The following ZFR variants were observed in gnomAD, a reference collection of about 807,000 sequenced individuals.
ZFR encodes the protein zinc finger RNA binding protein.
A neutral mutation model predicts 130.7 loss-of-function variants in ZFR; 19 were observed. The ratio of observed to expected loss-of-function variants is 0.15; its 90% CI spans 0.10 to 0.21. The LOEUF is 0.21. Among genes scored for constraint, ZFR ranks in the 10% least tolerant of loss-of-function variants. The pLI is 1.00. For synonymous variants in ZFR, 466 were observed against 456.9 expected (o/e 1.02, Z -0.25); for missense variants, 872 against 1,321.5 (o/e 0.66, Z 5.27).
At position 32,417,739 on chromosome 5, in the gene ZFR, C is replaced by T; in HGVS notation, c.474G>A (p.Lys158=). 3 of 1,613,880 alleles carry T rather than the reference C, an allele frequency of 1.9e-6. No individual in the cohort carries two copies. Among genetic ancestry groups the T allele is most frequent in the Non-Finnish European group, 2.5e-6 (3 of 1,179,828 alleles). Residue 158 remains lysine, a synonymous_variant, in exon 4 of 20, where the codon AAG becomes AAA. Coordinates refer to ENST00000265069, the MANE Select transcript of ZFR (RefSeq NM_016107.5). ...TTGCTGTTGGTTGTTGGTAGTATTG[C>T]TTACTATCATAAGCTACAGCAGGAG... ...STAPAVAYDS[K]QYYQQPTATA... is the part of the protein sequence containing the mutation.
At chr5:32,437,818 T>C (rs905065715) in intron 2 of ZFR, among the ~76,000 whole-genome samples, 2 of 152,168 alleles carry the variant, frequency 1.3e-5, no homozygotes, top group African/African-American at 4.8e-5. Context: ...CAATAATCTG[T>C]CTATCCCTGT....
intron 1 of ZFR, 80 bp downstream of exon 1, chr5:32,444,542 G>A: frequency 7.1e-6 from 10 of 1,418,284 alleles, no homozygotes; most frequent in Admixed American, 3.6e-5. Context: ...CCCGGAGCCT[G>A]CCCCAACCCC....
intron 5 of ZFR, among the ~76,000 whole-genome samples, chr5:32,413,091 A>AG (rs1753746145): frequency 6.6e-6 from 1 of 152,182 alleles, no homozygotes; most frequent in Non-Finnish European, 1.5e-5. Flanking sequence ...TGGGAGGCTG[A>AG]GGCAGGAGAA....
rs186224940 is a variant in ZFR, at chr5:32,362,656, T to G, written c.3045+1292A>C. Among the ~76,000 whole-genome samples, 64 of 152,292 alleles carry G rather than the reference T, an allele frequency of 4.2e-4. 1 individual carries two copies. Among genetic ancestry groups the G allele is most frequent in the African/African-American group, 1.5e-3 (62 of 41,570 alleles). ...CCATGCCATTCCTTCTTCCTATCCT[T>G]AAACACTCCTAGGAAACACTAATCT... On this transcript the variant is annotated intron_variant, in intron 19 of 19. Coordinates refer to ENST00000265069, the MANE Select transcript of ZFR (RefSeq NM_016107.5).
chr5:32,404,208 AC>A, intron 6 of ZFR, 111 bp from the exon 7 acceptor site: 1 of 923,290 alleles, frequency 1.1e-6, no homozygotes, highest in Non-Finnish European at 1.6e-6. Context: ...ACCAAAACAA[AC>A]TTTTTAAGTT....
At chr5:32,432,831 T>G (rs13171708) in intron 2 of ZFR, among the ~76,000 whole-genome samples, 40,471 of 151,732 alleles carry the variant, frequency 0.27, 6,420 homozygotes, top group Middle Eastern at 0.44. Context: ...CCAGCTCACG[T>G]GATCCTCCTA....
At chr5:32,383,159 G>C (rs956145409) in intron 15 of ZFR, among the ~76,000 whole-genome samples, 18 of 152,134 alleles carry the variant, frequency 1.2e-4, no homozygotes, top group Admixed American at 1.0e-3. Flanking sequence ...AATTCTAGAA[G>C]AGACAAAGAC....
intron 2 of ZFR, among the ~76,000 whole-genome samples, chr5:32,430,230 AAG>A (rs1440944628): frequency 6.6e-6 from 1 of 151,960 alleles, no homozygotes; most frequent in Non-Finnish European, 1.5e-5. Context: ...CTTGAAGTAA[AAG>A]AGATTGTCAA....
intron 4 of ZFR, among the ~76,000 whole-genome samples, chr5:32,415,777 C>G (rs142303746): frequency 6.6e-6 from 1 of 152,110 alleles, no homozygotes; most frequent in Non-Finnish European, 1.5e-5. Flanking sequence ...TGATGTCTGT[C>G]AACTTCTTTG....
chr5:32,427,951 T>C (rs1315475855), intron 2 of ZFR, among the ~76,000 whole-genome samples: 3 of 152,024 alleles, frequency 2.0e-5, no homozygotes, highest in Non-Finnish European at 2.9e-5. Flanking sequence ...TTACAAAATA[T>C]ACAAAAATTA....
chr5:32,444,406 G>C (rs1754555853), intron 1 of ZFR, 78 bp from the exon 2 acceptor site: 2 of 1,454,108 alleles, frequency 1.4e-6, no homozygotes, highest in Non-Finnish European at 1.9e-6. Flanking sequence ...GGAGGGCAGG[G>C]AGAGAAAGAG....
intron 17 of ZFR, among the ~76,000 whole-genome samples, chr5:32,366,493 A>G (rs1161162242): frequency 3.9e-5 from 6 of 152,252 alleles, no homozygotes; most frequent in African/African-American, 9.6e-5. Flanking sequence ...AAAGAAATCA[A>G]TTATTTATGG....
chr5:32,441,899 A>G (rs1394522168), intron 2 of ZFR, among the ~76,000 whole-genome samples: 1 of 152,286 alleles, frequency 6.6e-6, no homozygotes, highest in East Asian at 1.9e-4. Flanking sequence ...TGTACACTTA[A>G]TCAATTTAGT....
chr5:32,410,682 C>CA (rs1024288842), intron 5 of ZFR, among the ~76,000 whole-genome samples: 1 of 151,464 alleles, frequency 6.6e-6, no homozygotes, highest in Non-Finnish European at 1.5e-5. Flanking sequence ...ATACCAGAAA[C>CA]AAAAAAAATT....
chr5:32,387,769 C>G, intron 13 of ZFR, 70 bp from the exon 14 acceptor site: 1 of 1,405,774 alleles, frequency 7.1e-7, no homozygotes, highest in Non-Finnish European at 9.5e-7. Context: ...TGTAAACATA[C>G]AATAGTAAGT....
intron 10 of ZFR, among the ~76,000 whole-genome samples, 175 bp from the exon 11 acceptor site, chr5:32,395,479 TAATA>T (rs1753282230): frequency 6.6e-6 from 1 of 152,156 alleles, no homozygotes; most frequent in South Asian, 2.1e-4. Flanking sequence ...CAAAATACAT[TAATA>T]AAAATTATGT....
intron 2 of ZFR, among the ~76,000 whole-genome samples, chr5:32,432,438 C>A (rs1754246204): frequency 6.6e-6 from 1 of 151,998 alleles, no homozygotes; most frequent in Admixed American, 6.6e-5. Flanking sequence ...CGCTTTTTGG[C>A]CATTTGTATG....
At chr5:32,398,686 G>GTT (rs2111762072) in intron 9 of ZFR, among the ~76,000 whole-genome samples, 1 of 152,120 alleles carries the variant, frequency 6.6e-6, no homozygotes, top group African/African-American at 2.4e-5. Context: ...TCTTTTTCTT[G>GTT]TTTTCTTTTC....
intron 17 of ZFR, 56 bp from the exon 18 acceptor site, chr5:32,364,331 T>TCAAACACTAGCATGA: frequency 7.1e-7 from 1 of 1,416,686 alleles, no homozygotes. Flanking sequence ...TTACTCATTT[T>TCAAACACTAGCATGA]CAAACTAAAA....
Sources: gnomAD v4.1 joint callset for allele counts (sites outside exome capture counted in the v4.1 genomes callset) on GRCh38, gnomAD v4.1.1 for gene constraint, MANE v1.5 for transcripts, NCBI Gene and HGNC (gene_info 2026-07-23, HGNC 2026-07-21) for gene names.